The following TET2 variants were observed in gnomAD, a reference collection of about 807,000 sequenced individuals.
TET2 encodes the protein tet methylcytosine dioxygenase 2, also known as methylcytosine dioxygenase TET2.
In TET2, 299 loss-of-function variants were observed where a neutral mutation model predicts 142.9. That is an observed-to-expected ratio of 2.09 (90% confidence interval 1.90 to 2.30). The LOEUF is 2.30. TET2 is among the 30% of genes most tolerant of loss of function. The pLI, the probability that TET2 is intolerant of heterozygous loss-of-function variation, is 0.00. For missense variants in TET2, 2,418 were observed against 2,378.0 expected, an observed-to-expected ratio of 1.02 and a Z score of -0.35; for synonymous variants, 819 against 849.0, an observed-to-expected ratio of 0.96 and a Z score of 0.61.
chr4:105,230,703 A>G lies in TET2; in HGVS notation c.-46-3194A>G, dbSNP rs142050908. On this transcript the variant is annotated intron_variant, in intron 2 of 10. Transcript: ENST00000380013. The stretch of plus-strand genomic sequence containing the variant: ...TTATTCATTTATTTGTAGGCGTCCT[A>G]TATGTTAAGAAAAGTTTTATACAAC... Among the ~76,000 whole-genome samples, 133 of 152,280 alleles carry G rather than the reference A, an allele frequency of 8.7e-4. 1 individual carries two copies. Among genetic ancestry groups the G allele is most frequent in the African/African-American group, 3.1e-3 (127 of 41,556 alleles).
intron 9 of TET2, among the ~76,000 whole-genome samples, chr4:105,270,429 T>TA (rs1730894723): frequency 1.3e-5 from 2 of 152,210 alleles, no homozygotes; most frequent in African/African-American, 4.8e-5. Context: ...CAGTGCCAGT[T>TA]ACCTGGTAGA....
rs1170868096 is a variant in TET2, at chr4:105,278,975, T to A, written c.*2456T>A. 8.6e-6 allele frequency: 2 copies of A among 232,988 alleles called. No individual in the cohort carries two copies. The highest frequency in any genetic ancestry group is 1.2e-4 in the East Asian group (2 of 16,514). 14.4% of individuals were successfully genotyped at this position (232,988 alleles called of 1,614,324 possible). A position where few individuals can be genotyped will look rare whatever the true frequency, so the allele number is the denominator to read the frequency against. On this transcript the variant is annotated 3_prime_UTR_variant, in exon 11 of 11. Coordinates refer to ENST00000380013, the MANE Select transcript of TET2 (RefSeq NM_001127208.3). ...GCCTAAATACATTTTTGCTTACTAG[T>A]ATTTAAAATAAATTCTTAATCAGAG...
intron 7 of TET2, 112 bp downstream of exon 7, chr4:105,259,881 T>C: frequency 4.7e-6 from 5 of 1,057,980 alleles, no homozygotes; most frequent in Middle Eastern, 3.4e-4. Context: ...TCAAAGTTTT[T>C]CCCAAACTGT....
intron 2 of TET2, among the ~76,000 whole-genome samples, chr4:105,215,017 C>G (rs191280367): frequency 1.3e-5 from 2 of 152,136 alleles, no homozygotes; most frequent in Non-Finnish European, 2.9e-5. Flanking sequence ...GGGAACTGAG[C>G]GTTTAATCTA....
intron 2 of TET2, among the ~76,000 whole-genome samples, chr4:105,211,233 C>A (rs980943583): frequency 6.6e-6 from 1 of 152,158 alleles, no homozygotes; most frequent in African/African-American, 2.4e-5. Flanking sequence ...TCTTTCCTTA[C>A]CTGCTCTATC....
At chr4:105,269,583 G>A (rs115898311) in intron 8 of TET2, 27 bp from the exon 9 acceptor site, 26,656 of 1,548,282 alleles carry the variant, frequency 0.017, 302 homozygotes, top group African/African-American at 0.035. Context: ...AACTACTTTC[G>A]CATTCACACA....
chr4:105,259,688 G>A lies in TET2; in HGVS notation c.3873G>A (p.Trp1291Ter). Residue 1291 changes from tryptophan to a stop codon, truncating the protein, a stop_gained, in exon 7 of 11, where the codon TGG (tryptophan) becomes TGA (stop). Coordinates refer to ENST00000380013, the MANE Select transcript of TET2 (RefSeq NM_001127208.3). LOFTEE classifies it high-confidence loss of function. ...CGASFSFGCS[W>*]SMYYNGCKFA... ...CCTCCTTCTCTTTTGGTTGTTCATG[G>A]AGCATGTACTACAATGGATGTAAGT... The A allele has an allele frequency of 1.3e-6, 2 of 1,551,164 alleles. No homozygotes were observed. The highest frequency in any genetic ancestry group is 8.7e-7 in the Non-Finnish European group (1 of 1,146,612).
Position 105,233,182 on chromosome 4 carries a change from A to G in TET2, c.-46-715A>G, listed in dbSNP as rs143653562. Among the ~76,000 whole-genome samples the G allele has an allele frequency of 4.7e-4, 71 of 151,956 alleles. 2 individuals are homozygous for G. Among genetic ancestry groups the G allele is most frequent in the African/African-American group, 1.6e-3 (67 of 41,424 alleles). On this transcript the variant is annotated intron_variant, in intron 2 of 10. Coordinates refer to ENST00000380013, the MANE Select transcript of TET2 (RefSeq NM_001127208.3). ...GCAGATCACCTGAGGTCAGGAGTTC[A>G]AGACCAGCCTGGCCAACATAGTAAA...
intron 1 of TET2, among the ~76,000 whole-genome samples, chr4:105,154,820 T>C (rs1723482909): frequency 6.6e-6 from 1 of 151,704 alleles, no homozygotes; most frequent in Non-Finnish European, 1.5e-5. Context: ...AGCTCAGGAG[T>C]TGGAGACAAG....
At position 105,272,822 on chromosome 4, in the gene TET2, T is replaced by G; in HGVS notation, c.4441T>G (p.Ser1481Ala). ...GAAAGCTGCAGCTGAAAAGCTTTCC[T>G]CCCTGGAGAACAGCTCAAATAAAAA... ...AKKAAAEKLS[S>A]LENSSNKNEK... is the part of the protein sequence containing the mutation. Residue 1481 changes from serine to alanine, a missense_variant, in exon 10 of 11, where the codon TCC becomes GCC. Physicochemically the swap from Ser to Ala is moderately conservative, Grantham distance 99. Transcript: ENST00000380013. 1 of 1,551,596 alleles carries G rather than the reference T, an allele frequency of 6.4e-7. No individual in the cohort carries two copies. Among genetic ancestry groups the G allele is most frequent in the South Asian group, 1.2e-5 (1 of 84,056 alleles).
chr4:105,242,013 T>A (rs576912715), intron 4 of TET2: 5 of 1,241,770 alleles, frequency 4.0e-6, no homozygotes, highest in Non-Finnish European at 4.1e-6. Context: ...AAGACTCTTA[T>A]GAGCGAGATA....
intron 3 of TET2, chr4:105,239,776 C>T: frequency 8.7e-6 from 2 of 230,276 alleles, no homozygotes; most frequent in African/African-American, 4.4e-5. Context: ...CATGCAAGGC[C>T]TAGCTTTCAG....
intron 1 of TET2, among the ~76,000 whole-genome samples, chr4:105,179,617 C>T (rs1273793084): frequency 1.3e-5 from 2 of 152,158 alleles, no homozygotes; most frequent in African/African-American, 4.8e-5. Flanking sequence ...GAAATGAGTG[C>T]TTATAATAGA....
intron 2 of TET2, among the ~76,000 whole-genome samples, chr4:105,214,324 T>TTTTTTTA (rs1727350540): frequency 1.4e-5 from 2 of 142,794 alleles, no homozygotes; most frequent in African/African-American, 5.5e-5. Flanking sequence ...TTTTTTTTTT[T>TTTTTTTA]GAGACAAGAC....
intron 2 of TET2, among the ~76,000 whole-genome samples, chr4:105,204,060 G>A (rs113366413): frequency 0.014 from 2,106 of 152,022 alleles, 31 homozygotes; most frequent in Middle Eastern, 0.058. Context: ...TTAGCCAGGC[G>A]TAGTGGCAAG....
chr4:105,146,461 C>G (rs971049629), upstream of TET2: 1 of 152,434 alleles, frequency 6.6e-6, no homozygotes, highest in African/African-American at 2.4e-5. Flanking sequence ...ACCACTCCCC[C>G]CGCGCCACTG....
intron 2 of TET2, among the ~76,000 whole-genome samples, chr4:105,233,383 C>CAAAAAAAAAAAAAAAAAAAAAA (rs34890297): frequency 6.6e-5 from 5 of 76,144 alleles, no homozygotes; most frequent in East Asian, 4.9e-4. Context: ...GACTCCATCT[C>CAAAAAAAAAAAAAAAAAAAAAA]AAAAAAAAAA....
In TET2 at chr4:105,205,808, A is replaced by G. The variant is rs557452813; in HGVS notation, c.-47+15303A>G. Among the ~76,000 whole-genome samples, 12 of 151,750 alleles carry G rather than the reference A, an allele frequency of 7.9e-5. No homozygotes were observed. In the East Asian group the frequency reaches 1.4e-3, roughly 17 times the overall value. ...CACCACTCCTGGCTAATTTTTTTCT[A>G]TTTTTAGTAGAGACGGAGTTTCTCC... On this transcript the variant is annotated intron_variant, in intron 2 of 10. Coordinates refer to ENST00000380013, the MANE Select transcript of TET2 (RefSeq NM_001127208.3).
In TET2 at chr4:105,235,955, TCATGTGCAGTCA is replaced by T; in HGVS notation, c.2015_2026del (p.His672_Ser675del). ...CCAAAACAGACCATTTACCAAAAGC[TCATGTGCAGTCA>T]CTGTGTGGCACTAGATTTCATTTTC... On this transcript the variant is annotated inframe_deletion, in exon 3 of 11. Transcript: ENST00000380013. 1.2e-6 allele frequency: 2 copies of T among 1,614,114 alleles called. No homozygotes were observed. The highest frequency in any genetic ancestry group is 8.5e-7 in the Non-Finnish European group (1 of 1,180,012).
Sources: allele counts gnomAD v4.1 joint callset (sites outside exome capture counted in the v4.1 genomes callset), GRCh38; gene constraint gnomAD v4.1.1; transcripts MANE v1.5; gene names NCBI Gene and HGNC (gene_info 2026-07-23, HGNC 2026-07-21).